The following NTM variants were observed in gnomAD, a reference collection of about 807,000 sequenced individuals.
NTM encodes the protein IgLON family member 2.
NTM carries 13 observed loss-of-function variants against 42.1 expected under a neutral mutation model. The ratio of observed to expected loss-of-function variants is 0.31; its 90% CI spans 0.20 to 0.49. NTM has a LOEUF of 0.49. Among genes scored for constraint, NTM ranks in the 20% least tolerant of loss-of-function variants. The probability of loss-of-function intolerance (pLI) is 0.99; values close to 1 mark genes in which losing one functional copy is unlikely to be tolerated. For synonymous variants in NTM, 187 were observed against 179.2 expected, an observed-to-expected ratio of 1.04 and a Z score of -0.35; for missense variants, 373 against 452.8, an observed-to-expected ratio of 0.82 and a Z score of 1.60.
intron 4 of NTM, among the ~76,000 whole-genome samples, chr11:132,245,684 C>T (rs1253311524): frequency 1.3e-5 from 2 of 152,122 alleles, no homozygotes; most frequent in Non-Finnish European, 2.9e-5. Flanking sequence ...ATGTTTCCCA[C>T]TGCCAGCTGG....
rs1034929831 is a variant in NTM, at chr11:132,146,139, T to C, written c.168-143T>C. On this transcript the variant is annotated intron_variant, in intron 2 of 8. Transcript: ENST00000683400. The surrounding 1 kb of genome is among the most constrained non-coding windows in gnomAD (Gnocchi z 4.5). ...AGACCTTTGCTGTGTTCCAGAAAAG[T>C]CCACCCCTGACAAATCAAAGGAAAT... The C allele has an allele frequency of 3.8e-6, 5 of 1,316,374 alleles. No homozygotes were observed. In the South Asian group the frequency reaches 7.6e-5, roughly 20 times the overall value. 81.5% of individuals were successfully genotyped at this position (1,316,374 alleles called of 1,614,324 possible). A position where few individuals can be genotyped will look rare whatever the true frequency, so the allele number is the denominator to read the frequency against.
At chr11:131,714,790 G>A (rs56032120) in intron 1 of NTM, among the ~76,000 whole-genome samples, 3,959 of 152,124 alleles carry the variant, frequency 0.026, 163 homozygotes, top group African/African-American at 0.086. Context: ...TCATCCATGC[G>A]GCATTTGACA....
At chr11:131,480,899 T>C (rs1953508013) in intron 1 of NTM, among the ~76,000 whole-genome samples, 1 of 152,098 alleles carries the variant, frequency 6.6e-6, no homozygotes, top group African/African-American at 2.4e-5. Flanking sequence ...AAATTTGGGC[T>C]GAAAAATATT....
At chr11:132,160,590 A>T (rs1245433279) in intron 3 of NTM, among the ~76,000 whole-genome samples, 1 of 152,180 alleles carries the variant, frequency 6.6e-6, no homozygotes, top group Non-Finnish European at 1.5e-5. Flanking sequence ...AGTTACCCCC[A>T]AAGAAATAAT....
intron 4 of NTM, among the ~76,000 whole-genome samples, chr11:132,271,313 G>T (rs766465636): frequency 9.9e-5 from 15 of 152,124 alleles, no homozygotes; most frequent in Non-Finnish European, 2.1e-4. Context: ...GGACATTTGG[G>T]TTGCTTCCAC....
Position 131,940,257 on chromosome 11 carries a change from C to T in NTM, c.167+28609C>T, listed in dbSNP as rs1355835386. On this transcript the variant is annotated intron_variant, in intron 2 of 8. Transcript: ENST00000683400. ...ACTCCTGATCTAATGCAAAGCACCA[C>T]GTGCAACTTATGTACAGTTCCACGA... Among the ~76,000 whole-genome samples the T allele has an allele frequency of 2.6e-5, 4 of 152,308 alleles. No homozygotes were observed. The East Asian group carries it at 7.7e-4, about 29-fold the overall frequency.
intron 1 of NTM, among the ~76,000 whole-genome samples, chr11:131,763,049 C>T (rs1037004593): frequency 2.0e-5 from 3 of 152,194 alleles, no homozygotes; most frequent in African/African-American, 7.2e-5. Context: ...GTGTTGCCAT[C>T]ACTTTGGCAT....
At chr11:131,484,536 G>A (rs1325582269) in intron 1 of NTM, among the ~76,000 whole-genome samples, 1 of 152,196 alleles carries the variant, frequency 6.6e-6, no homozygotes, top group South Asian at 2.1e-4. Context: ...GCTGAGGCAA[G>A]GGGCAGAGGT....
chr11:132,286,637 G>C (rs1374450722), intron 4 of NTM, among the ~76,000 whole-genome samples: 1 of 151,910 alleles, frequency 6.6e-6, no homozygotes, highest in East Asian at 1.9e-4. Context: ...GTTTTCAACT[G>C]GGCACCATCT....
chr11:131,412,217 TG>T (rs923519700), intron 1 of NTM, among the ~76,000 whole-genome samples: 4 of 152,158 alleles, frequency 2.6e-5, no homozygotes, highest in African/African-American at 9.7e-5. Flanking sequence ...AGCATTTGTT[TG>T]GGGCTCATGG....
At position 132,070,555 on chromosome 11, in the gene NTM, T is replaced by C. The variant is rs2057418609; in HGVS notation, c.168-75727T>C. Among the ~76,000 whole-genome samples, 2 of 123,886 alleles carry C rather than the reference T, an allele frequency of 1.6e-5. 1 individual carries two copies. The highest frequency in any genetic ancestry group is 6.2e-4 in the South Asian group (2 of 3,250). The allele number at this position is 123,886 out of a possible 152,430, so 81.3% of individuals were successfully genotyped here. On this transcript the variant is annotated intron_variant, in intron 2 of 8. Coordinates refer to ENST00000683400, the MANE Select transcript of NTM (RefSeq NM_001352005.2). ...ACACGTCAAACTGACCGTCACAGTT[T>C]AGTTAACACGTCACACAGCCAAGTT...
intron 3 of NTM, among the ~76,000 whole-genome samples, chr11:132,150,165 A>G (rs1199043120): frequency 2.6e-5 from 4 of 152,236 alleles, no homozygotes; most frequent in African/African-American, 9.6e-5. Flanking sequence ...ATGGTGAGAG[A>G]AAAAGCCAGA....
chr11:131,579,407 T>G (rs1450835687), intron 1 of NTM, among the ~76,000 whole-genome samples: 1 of 152,242 alleles, frequency 6.6e-6, no homozygotes, highest in African/African-American at 2.4e-5. Flanking sequence ...TCAAGAGTTC[T>G]GCATTACTGT....
chr11:131,660,144 G>A (rs189510741), intron 1 of NTM: 16 of 188,054 alleles, frequency 8.5e-5, no homozygotes, highest in African/African-American at 2.5e-4. Context: ...CGGGCAAGGC[G>A]GGGACTCAGT....
intron 1 of NTM, among the ~76,000 whole-genome samples, chr11:131,863,175 G>A (rs112172563): frequency 2.0e-5 from 3 of 152,332 alleles, no homozygotes; most frequent in African/African-American, 7.2e-5. Flanking sequence ...CCATCATCAT[G>A]TGTGTTGAGA....
intron 1 of NTM, among the ~76,000 whole-genome samples, chr11:131,597,201 C>T (rs1202943422): frequency 6.6e-6 from 1 of 152,088 alleles, no homozygotes; most frequent in Non-Finnish European, 1.5e-5. Context: ...CAGCGTTAAC[C>T]ATCACACTCA....
chr11:131,694,767 C>A (rs2075226306), intron 1 of NTM, among the ~76,000 whole-genome samples: 1 of 152,134 alleles, frequency 6.6e-6, no homozygotes, highest in Non-Finnish European at 1.5e-5. Flanking sequence ...ATGAGCTTTG[C>A]GGAAGGGCAT....
At chr11:132,169,521 G>A (rs1448687311) in intron 3 of NTM, among the ~76,000 whole-genome samples, 2 of 151,256 alleles carry the variant, frequency 1.3e-5, no homozygotes, top group Non-Finnish European at 2.9e-5. Context: ...GTTTTTAGTA[G>A]AGATGGAGTT....
intron 1 of NTM, among the ~76,000 whole-genome samples, chr11:131,735,683 G>A (rs986292495): frequency 6.6e-6 from 1 of 152,132 alleles, no homozygotes; most frequent in African/African-American, 2.4e-5. Flanking sequence ...GGTGTTCTGT[G>A]GTTTTGTTGG....
Sources: allele counts gnomAD v4.1 joint callset (sites outside exome capture counted in the v4.1 genomes callset), GRCh38; gene constraint gnomAD v4.1.1; non-coding constraint Gnocchi (gnomAD v3.1); transcripts MANE v1.5; gene names NCBI Gene and HGNC (gene_info 2026-07-23, HGNC 2026-07-21).